Variants in CSMD1 observed in about 807,000 individuals in gnomAD.
CSMD1 encodes the protein CUB and sushi domain-containing protein 1.
Under a neutral mutation model 417.5 loss-of-function variants are expected in CSMD1, and 213 were observed. That is an observed-to-expected ratio of 0.51 (90% CI 0.46 to 0.57). CSMD1 has a LOEUF of 0.57. Ranked by LOEUF, CSMD1 falls within the 20% of genes least tolerant of loss-of-function variation. CSMD1 has a pLI of 0.00. For synonymous variants in CSMD1, 2,862 were observed against 1,736.8 expected, an observed-to-expected ratio of 1.65 and a Z score of -16.11; for missense variants, 6,923 against 4,529.7, an observed-to-expected ratio of 1.53 and a Z score of -15.17.
At chr8:3,309,704 A>AG (rs1805178963) in intron 23 of CSMD1, among the ~76,000 whole-genome samples, 1 of 151,990 alleles carries the variant, frequency 6.6e-6, no homozygotes. Flanking sequence ...TTCTTTTCTC[A>AG]AAAAGAAATT....
At chr8:3,381,474 A>G (rs10090122) in intron 18 of CSMD1, among the ~76,000 whole-genome samples, 2,795 of 152,316 alleles carry the variant, frequency 0.018, 86 homozygotes, top group African/African-American at 0.064. Flanking sequence ...TTAATAAAAC[A>G]TCAAACAGAT....
At chr8:3,284,080 G>A (rs1320952567) in intron 26 of CSMD1, 64 bp downstream of exon 26, 67 of 1,247,108 alleles carry the variant, frequency 5.4e-5, no homozygotes, top group South Asian at 2.2e-4. Context: ...TAAATGGAGG[G>A]AGATCTGTGT....
At chr8:4,472,021 T>C (rs533040852) in intron 2 of CSMD1, among the ~76,000 whole-genome samples, 1 of 152,178 alleles carries the variant, frequency 6.6e-6, no homozygotes, top group Non-Finnish European at 1.5e-5. Flanking sequence ...TTCTTCCAAT[T>C]TTTTAACTAG....
At chr8:3,437,359 T>C (rs190506502) in intron 12 of CSMD1, among the ~76,000 whole-genome samples, 3 of 152,316 alleles carry the variant, frequency 2.0e-5, no homozygotes, top group East Asian at 3.9e-4. Flanking sequence ...CTATGAGGTA[T>C]AGTTTGCATT....
intron 5 of CSMD1, among the ~76,000 whole-genome samples, chr8:3,976,488 A>T (rs1813445067): frequency 6.6e-6 from 1 of 152,222 alleles, no homozygotes; most frequent in Non-Finnish European, 1.5e-5. Flanking sequence ...TGTGACTAAC[A>T]CATAACGCTT....
At chr8:4,879,324 T>C (rs1447472047) in intron 1 of CSMD1, among the ~76,000 whole-genome samples, 5 of 151,952 alleles carry the variant, frequency 3.3e-5, no homozygotes, top group South Asian at 2.1e-4. Context: ...CTTGGAAATA[T>C]AGGATTAGGA....
At chr8:3,854,080 C>A (rs1585094403) in intron 5 of CSMD1, among the ~76,000 whole-genome samples, 6 of 140,462 alleles carry the variant, frequency 4.3e-5, no homozygotes, top group Admixed American at 7.2e-5. Flanking sequence ...ATATAATATA[C>A]TAAAGAAAAA....
At position 2,954,244 on chromosome 8, in the gene CSMD1, T is replaced by C. The variant is rs984230219; in HGVS notation, c.10019A>G (p.Glu3340Gly). ...CKSKGVREVN[E>G]TVTKTPVPSD... ...CAAACCTGGAGTTTTAGTAACTGTT[T>C]CATTAACTTCTCTCACTCCTTTACC... The change falls in exon 65 of 70, where the codon GAA becomes GGA. Residue 3340 changes from glutamate to glycine, a missense_variant. Coordinates refer to ENST00000635120, the MANE Select transcript of CSMD1 (RefSeq NM_033225.6). The C allele has an allele frequency of 1.9e-5, 28 of 1,503,016 alleles. No individual in the cohort carries two copies. The highest frequency in any genetic ancestry group is 2.4e-5 in the Non-Finnish European group (27 of 1,109,490). 93.1% of individuals were successfully genotyped at this position (1,503,016 alleles called of 1,614,324 possible).
Position 3,753,109 on chromosome 8 carries a change from C to T in CSMD1, c.931+821G>A, listed in dbSNP as rs115103068. 7.8e-3 allele frequency among the ~76,000 whole-genome samples: 1,192 copies of T among 152,252 alleles called. 17 individuals carry two copies. The highest frequency in any genetic ancestry group is 0.027 in the African/African-American group (1,129 of 41,544). ...GGCACTGCAGGGCTTGGTGTCCTCT[C>T]TGGCACATGGCAGGTGTTCAGCGAA... On this transcript the variant is annotated intron_variant, in intron 6 of 69. Transcript: ENST00000635120.
intron 38 of CSMD1, among the ~76,000 whole-genome samples, chr8:3,161,600 G>C (rs1026877059): frequency 1.2e-4 from 17 of 144,056 alleles, no homozygotes; most frequent in Non-Finnish European, 1.9e-4. Flanking sequence ...TCCAGCCTGG[G>C]TGACAGAGCG....
intron 1 of CSMD1, among the ~76,000 whole-genome samples, chr8:4,796,068 C>A (rs535372132): frequency 1.3e-5 from 2 of 152,216 alleles, no homozygotes; most frequent in South Asian, 4.1e-4. Context: ...GAGCCACTGG[C>A]ATTACAAAGA....
At chr8:4,161,543 T>C (rs948367419) in intron 3 of CSMD1, among the ~76,000 whole-genome samples, 2 of 152,208 alleles carry the variant, frequency 1.3e-5, no homozygotes, top group African/African-American at 4.8e-5. Flanking sequence ...ACTGTGCACC[T>C]CCTACTACTT....
At chr8:3,866,521 T>C (rs1159082783) in intron 5 of CSMD1, among the ~76,000 whole-genome samples, 1 of 152,230 alleles carries the variant, frequency 6.6e-6, no homozygotes, top group African/African-American at 2.4e-5. Context: ...AGCATCATGA[T>C]CTAATGTGTA....
chr8:4,744,219 G>C (rs1444940423), intron 1 of CSMD1, among the ~76,000 whole-genome samples: 1 of 151,942 alleles, frequency 6.6e-6, no homozygotes, highest in Non-Finnish European at 1.5e-5. Context: ...CTGCAGGCTC[G>C]GGGGGCACAG....
Position 3,487,893 on chromosome 8 carries a change from A to G in CSMD1, c.1448+5730T>C, listed in dbSNP as rs369901427. ...TACCAATTTTTTCTAACAAGATCCC[A>G]TCAACATTTTGATATTAATGGTTTT... On this transcript the variant is annotated intron_variant, in intron 11 of 69. Coordinates refer to ENST00000635120, the MANE Select transcript of CSMD1 (RefSeq NM_033225.6). Among the ~76,000 whole-genome samples, 3 of 152,122 alleles carry G rather than the reference A, an allele frequency of 2.0e-5. No homozygotes were observed. The South Asian group carries it at 6.2e-4, about 31-fold the overall frequency.
chr8:3,585,823 G>A (rs552699722), intron 9 of CSMD1, among the ~76,000 whole-genome samples: 9 of 152,266 alleles, frequency 5.9e-5, no homozygotes, highest in Non-Finnish European at 1.2e-4. Context: ...GGCAGGTCCA[G>A]CTGTGGGACA....
intron 23 of CSMD1, among the ~76,000 whole-genome samples, chr8:3,326,464 C>T (rs947449059): frequency 2.6e-5 from 4 of 152,184 alleles, no homozygotes; most frequent in African/African-American, 7.2e-5. Context: ...AGAGCACTAC[C>T]GTGCTACAAA....
At chr8:4,419,516 TTC>T (rs369576691) in intron 3 of CSMD1, among the ~76,000 whole-genome samples, 4 of 152,140 alleles carry the variant, frequency 2.6e-5, no homozygotes, top group African/African-American at 4.8e-5. Flanking sequence ...CAAATTAATT[TTC>T]TCTCTTAAAA....
intron 6 of CSMD1, among the ~76,000 whole-genome samples, chr8:3,746,662 C>G (rs1408447993): frequency 6.6e-6 from 1 of 152,090 alleles, no homozygotes; most frequent in Admixed American, 6.5e-5. Flanking sequence ...TCTCTTGTTT[C>G]AACATTAGTA....
Sources: allele counts gnomAD v4.1 joint callset (sites outside exome capture counted in the v4.1 genomes callset), GRCh38; gene constraint gnomAD v4.1.1; transcripts MANE v1.5; gene names NCBI Gene and HGNC (gene_info 2026-07-23, HGNC 2026-07-21).